The following TSHR variants were observed in gnomAD, a reference collection of about 807,000 sequenced individuals.
TSHR encodes thyrotropin receptor.
TSHR carries 51 observed loss-of-function variants against 64.1 expected under a neutral mutation model. That is an observed-to-expected ratio of 0.80 (90% confidence interval 0.64 to 1.01). TSHR has a LOEUF of 1.01. Among genes scored for constraint, TSHR ranks in the 50% least tolerant of loss-of-function variants. The pLI, the probability that TSHR is intolerant of heterozygous loss-of-function variation, is 0.00. For missense variants in TSHR, 877 were observed against 942.8 expected, an observed-to-expected ratio of 0.93 and a Z score of 0.91; for synonymous variants, 361 against 361.9, an observed-to-expected ratio of 1.00 and a Z score of 0.03.
chr14:81,127,704 C>T (rs976286322), intron 8 of TSHR, among the ~76,000 whole-genome samples: 3 of 152,150 alleles, frequency 2.0e-5, no homozygotes, highest in African/African-American at 7.2e-5. Context: ...GGGGTTCCCC[C>T]TTTCACTTGG....
intron 1 of TSHR, chr14:81,050,686 A>G (rs965935725): frequency 6.6e-6 from 1 of 152,174 alleles, no homozygotes; most frequent in African/African-American, 2.4e-5. Context: ...TTTTCTGTTA[A>G]AAACTATTTT....
At chr14:81,122,877 C>A (rs1372656274) in intron 8 of TSHR, among the ~76,000 whole-genome samples, 2 of 152,160 alleles carry the variant, frequency 1.3e-5, no homozygotes, top group Non-Finnish European at 2.9e-5. Context: ...GTAATCCCAG[C>A]ACTTTGGGAG....
At chr14:81,053,876 A>C (rs530411987) in intron 1 of TSHR, 1 of 152,378 alleles carries the variant, frequency 6.6e-6, no homozygotes, top group South Asian at 2.1e-4. Flanking sequence ...CTACTGATAC[A>C]TGTAATAACA....
intron 6 of TSHR, among the ~76,000 whole-genome samples, chr14:81,094,677 T>A (rs1304481708): frequency 1.8e-5 from 2 of 113,950 alleles, no homozygotes; most frequent in Admixed American, 1.1e-4. Flanking sequence ...TTTATTTTTT[T>A]AATTTTTTTT....
intron 3 of TSHR, among the ~76,000 whole-genome samples, chr14:81,084,883 C>T (rs1888172105): frequency 6.6e-6 from 1 of 152,194 alleles, no homozygotes; most frequent in South Asian, 2.1e-4. Context: ...CTTTTGTACT[C>T]ACTTCTGCCC....
chr14:81,006,572 GT>G (rs1566759653), intron 1 of TSHR, among the ~76,000 whole-genome samples: 2 of 151,842 alleles, frequency 1.3e-5, no homozygotes, highest in African/African-American at 4.8e-5. Flanking sequence ...GAGCGCAGTG[GT>G]GCAATCTTGG....
At position 81,143,407 on chromosome 14, in the gene TSHR, G is replaced by T. The variant is rs189261858; in HGVS notation, c.1349G>T (p.Arg450Leu). 6.2e-7 allele frequency: 1 copy of T among 1,613,994 alleles called. No individual in the cohort carries two copies. The highest frequency in any genetic ancestry group is 1.3e-5 in the African/African-American group (1 of 74,894). ...LTSHYKLNVP[R>L]FLMCNLAFAD... ...AGCCACTACAAACTGAACGTCCCCCGCTTTCTCATGTGCAACCTGGCCTTT... is the reference window on the plus strand; with the variant it reads ...AGCCACTACAAACTGAACGTCCCCCTCTTTCTCATGTGCAACCTGGCCTTT... The change falls in exon 10 of 10, where the codon CGC (arginine) becomes CTC (leucine). Residue 450 changes from arginine (R) to leucine (L), a missense_variant. Coordinates refer to ENST00000298171, the MANE Select transcript of TSHR (RefSeq NM_000369.5).
intron 7 of TSHR, among the ~76,000 whole-genome samples, chr14:81,102,256 A>G (rs7143914): frequency 0.21 from 31,753 of 151,792 alleles, 3,628 homozygotes; most frequent in East Asian, 0.33. Context: ...GACTCTCCGT[A>G]CGTTCACACC....
chr14:81,063,495 G>A (rs1380122071), intron 2 of TSHR, among the ~76,000 whole-genome samples: 1 of 152,032 alleles, frequency 6.6e-6, no homozygotes, highest in African/African-American at 2.4e-5. Flanking sequence ...CTCCCAAGCT[G>A]TTCCTTCTCT....
chr14:81,050,837 AC>A (rs1430488603), intron 1 of TSHR: 3 of 152,210 alleles, frequency 2.0e-5, no homozygotes, highest in African/African-American at 4.8e-5. Context: ...CTTAAAATCC[AC>A]CCTTTTTTCA....
chr14:81,047,958 T>G (rs2139860592), intron 1 of TSHR, among the ~76,000 whole-genome samples: 1 of 152,244 alleles, frequency 6.6e-6, no homozygotes, highest in East Asian at 1.9e-4. Context: ...TTCATTGGCT[T>G]TTATATAGAA....
At chr14:81,112,167 G>A (rs1890251882) in intron 8 of TSHR, among the ~76,000 whole-genome samples, 1 of 152,108 alleles carries the variant, frequency 6.6e-6, no homozygotes, top group Non-Finnish European at 1.5e-5. Flanking sequence ...CTTACTAACT[G>A]TAAGACCCAA....
chr14:81,019,333 C>CA (rs3038181), intron 1 of TSHR, among the ~76,000 whole-genome samples: 1,660 of 115,702 alleles, frequency 0.014, 19 homozygotes, highest in South Asian at 0.034. Context: ...GACTTTATCT[C>CA]AAAAAAAAAA....
rs771247662 is a variant in TSHR, at chr14:81,144,096, A to G, written c.2038A>G (p.Ile680Val). 2.5e-6 allele frequency: 4 copies of G among 1,614,048 alleles called. No homozygotes were observed. The highest frequency in any genetic ancestry group is 2.5e-6 in the Non-Finnish European group (3 of 1,180,026). ...NSCANPFLYA[I>V]FTKAFQRDVF... Reference sequence around the variant, plus strand: ...CTGTGCCAATCCATTCCTCTATGCTATTTTCACCAAGGCCTTCCAGAGGGA... The same window carrying G: ...CTGTGCCAATCCATTCCTCTATGCTGTTTTCACCAAGGCCTTCCAGAGGGA... The change falls in exon 10 of 10, where the codon ATT (isoleucine) becomes GTT (valine). Residue 680 changes from isoleucine to valine, a missense_variant. Ile to Val is a conservative substitution (Grantham distance 29). Coordinates refer to ENST00000298171, the MANE Select transcript of TSHR (RefSeq NM_000369.5).
At chr14:81,088,095 T>C in intron 4 of TSHR, 67 bp downstream of exon 4, 2 of 1,239,254 alleles carry the variant, frequency 1.6e-6, no homozygotes, top group Non-Finnish European at 2.4e-6. Context: ...TGCTGTTGTC[T>C]CCCAGGAATC....
chr14:81,014,710 A>G (rs957324745), intron 1 of TSHR, among the ~76,000 whole-genome samples: 4 of 152,228 alleles, frequency 2.6e-5, no homozygotes, highest in African/African-American at 9.6e-5. Context: ...CCAAGTAGGA[A>G]GCATAAAATA....
At chr14:81,002,789 T>G (rs1566757882) in intron 1 of TSHR, among the ~76,000 whole-genome samples, 6 of 35,396 alleles carry the variant, frequency 1.7e-4, no homozygotes, top group Admixed American at 5.3e-4. Context: ...CTCTTTTTTT[T>G]TTTTTTTTTT....
chr14:81,109,984 C>T (rs1013081191), intron 8 of TSHR, among the ~76,000 whole-genome samples: 3 of 152,160 alleles, frequency 2.0e-5, no homozygotes, highest in African/African-American at 7.2e-5. Flanking sequence ...TAAGGTACTA[C>T]TTCGCCAAGT....
chr14:80,987,907 A>G (rs1489555949), intron 1 of TSHR, among the ~76,000 whole-genome samples: 1 of 152,060 alleles, frequency 6.6e-6, no homozygotes, highest in Admixed American at 6.5e-5. Flanking sequence ...TCGCCCCAAC[A>G]CTTTATTCTA....
Sources: gnomAD v4.1 joint callset for allele counts (sites outside exome capture counted in the v4.1 genomes callset) on GRCh38, gnomAD v4.1.1 for gene constraint, MANE v1.5 for transcripts, NCBI Gene and HGNC (gene_info 2026-07-23, HGNC 2026-07-21) for gene names.